USP25: variants seen among roughly 807,000 people sequenced by gnomAD.
The protein encoded by USP25 is ubiquitin carboxyl-terminal hydrolase 25.
Under a neutral mutation model 158.5 loss-of-function variants are expected in USP25, and 85 were observed. The ratio of observed to expected loss-of-function variants is 0.54; its 90% CI spans 0.45 to 0.64. The LOEUF is 0.64. USP25 is among the 30% of genes least tolerant of loss of function. The probability of loss-of-function intolerance (pLI) is 0.00; values close to 1 mark genes in which losing one functional copy is unlikely to be tolerated. For missense variants in USP25, 1,242 were observed against 1,327.3 expected (o/e 0.94, Z 1.00); for synonymous variants, 464 against 460.4 (o/e 1.01, Z -0.10).
chr21:15,877,145 CAG>C, intron 24 of USP25: 1 of 152,296 alleles, frequency 6.6e-6, no homozygotes. Context: ...ATAGTTGCAA[CAG>C]AAACTTCATG....
intron 1 of USP25, among the ~76,000 whole-genome samples, chr21:15,753,122 G>A (rs1202982645): frequency 6.6e-6 from 1 of 152,202 alleles, no homozygotes; most frequent in Non-Finnish European, 1.5e-5. Context: ...ATGGAGAGGG[G>A]AGAGGGTGTG....
Position 15,877,779 on chromosome 21 carries a change from TCCTGC to T in USP25, c.3010-16_3010-12del. ...AAACAAAAACCTATTCTTTTTTTTTTCCTGCATTGCATTAAGAAATTAAATGAGCA... is the reference window on the plus strand; with the variant it reads ...AAACAAAAACCTATTCTTTTTTTTTTATTGCATTAAGAAATTAAATGAGCA... On this transcript the variant is annotated splice_polypyrimidine_tract_variant and intron_variant, in intron 24 of 25. Coordinates refer to ENST00000400183, the MANE Select transcript of USP25 (RefSeq NM_001283041.3). 1 of 1,554,308 alleles carries T rather than the reference TCCTGC, an allele frequency of 6.4e-7. No homozygotes were observed. Among genetic ancestry groups the T allele is most frequent in the Non-Finnish European group, 8.7e-7 (1 of 1,151,108 alleles).
chr21:15,830,680 T>A, intron 15 of USP25, 79 bp downstream of exon 15: 1 of 1,150,968 alleles, frequency 8.7e-7, no homozygotes, highest in Non-Finnish European at 1.2e-6. Context: ...TATCTTAATC[T>A]AATTTTTCTT....
At chr21:15,831,272 G>A (rs1164795738) in intron 15 of USP25, 129 bp from the exon 16 acceptor site, 1 of 782,468 alleles carries the variant, frequency 1.3e-6, no homozygotes, top group Non-Finnish European at 2.0e-6. Context: ...AGCCCAGCCA[G>A]TTCTCTCTCA....
Position 15,816,767 on chromosome 21 carries a change from G to T in USP25, c.932-1931G>T, listed in dbSNP as rs975767562. On this transcript the variant is annotated intron_variant, in intron 9 of 25. Transcript: ENST00000400183. This position sits in a 1 kb window ranked among gnomAD's most constrained non-coding sequence, Gnocchi z 4.0. ...AAATCTCATGGATCATAATGAACCAGTGATTTCCACTGCTACCTCAAAACT... is the reference window on the plus strand; with the variant it reads ...AAATCTCATGGATCATAATGAACCATTGATTTCCACTGCTACCTCAAAACT... Among the ~76,000 whole-genome samples the T allele has an allele frequency of 2.0e-5, 3 of 151,486 alleles. No individual in the cohort carries two copies. The highest frequency in any genetic ancestry group is 2.0e-4 in the Admixed American group (3 of 15,242).
intron 12 of USP25, 80 bp downstream of exon 12, chr21:15,825,141 C>A: frequency 4.6e-6 from 5 of 1,088,240 alleles, no homozygotes; most frequent in South Asian, 1.6e-5. Flanking sequence ...TTCAAATTTG[C>A]TTTGAGTGAT....
intron 4 of USP25, among the ~76,000 whole-genome samples, chr21:15,789,672 T>C (rs897771163): frequency 6.6e-6 from 1 of 152,072 alleles, no homozygotes; most frequent in African/African-American, 2.4e-5. Flanking sequence ...CTATTTGTTT[T>C]ATGGTATCGT....
intron 5 of USP25, among the ~76,000 whole-genome samples, chr21:15,792,564 T>G (rs1223042577): frequency 6.6e-6 from 1 of 151,686 alleles, no homozygotes; most frequent in Admixed American, 6.6e-5. Flanking sequence ...ATATCTTCAT[T>G]TTGTAACTTT....
At chr21:15,851,800 C>T (rs1457984006) in intron 20 of USP25, among the ~76,000 whole-genome samples, 1 of 151,948 alleles carries the variant, frequency 6.6e-6, no homozygotes, top group Non-Finnish European at 1.5e-5. Context: ...AGCTTTATGA[C>T]CTGCCCCAAT....
intron 7 of USP25, among the ~76,000 whole-genome samples, chr21:15,807,989 T>C (rs1287992874): frequency 6.6e-6 from 1 of 152,220 alleles, no homozygotes; most frequent in Non-Finnish European, 1.5e-5. Flanking sequence ...TTGAGGTTAA[T>C]ATAAAGTTGG....
At chr21:15,790,054 G>C (rs1311189843) in intron 4 of USP25, among the ~76,000 whole-genome samples, 1 of 152,032 alleles carries the variant, frequency 6.6e-6, no homozygotes, top group African/African-American at 2.4e-5. Context: ...CAAGTTGACT[G>C]TCTTTCTATC....
chr21:15,787,786 G>C (rs1381512280), intron 4 of USP25, among the ~76,000 whole-genome samples: 1 of 151,348 alleles, frequency 6.6e-6, no homozygotes, highest in African/African-American at 2.4e-5. Context: ...ATGTTTCTCA[G>C]TGAGTGTAAT....
intron 3 of USP25, among the ~76,000 whole-genome samples, chr21:15,770,847 T>C (rs1294556873): frequency 6.6e-6 from 1 of 152,148 alleles, no homozygotes; most frequent in East Asian, 1.9e-4. Context: ...ATTGAAAGAA[T>C]AGGAACATCT....
At chr21:15,752,458 C>A (rs1019276925) in intron 1 of USP25, among the ~76,000 whole-genome samples, 1 of 152,164 alleles carries the variant, frequency 6.6e-6, no homozygotes, top group Non-Finnish European at 1.5e-5. Context: ...TTGTGATCCA[C>A]CCATCTTGGC....
At chr21:15,791,910 C>A (rs2035610036) in intron 5 of USP25, among the ~76,000 whole-genome samples, 1 of 151,710 alleles carries the variant, frequency 6.6e-6, no homozygotes, top group African/African-American at 2.4e-5. Flanking sequence ...TCAATTTATC[C>A]TTTCCTTCTG....
chr21:15,772,927 T>A (rs2034438958), intron 3 of USP25, among the ~76,000 whole-genome samples: 1 of 152,186 alleles, frequency 6.6e-6, no homozygotes, highest in South Asian at 2.1e-4. Context: ...AGGATTGTCA[T>A]ATTGTTCTAA....
At chr21:15,776,350 C>G (rs921713712) in intron 3 of USP25, among the ~76,000 whole-genome samples, 3 of 151,968 alleles carry the variant, frequency 2.0e-5, no homozygotes, top group Non-Finnish European at 2.9e-5. Context: ...AAAAAAAACA[C>G]CACCACTTCC....
At chr21:15,858,115 T>A (rs2039247183) in intron 20 of USP25, among the ~76,000 whole-genome samples, 1 of 152,204 alleles carries the variant, frequency 6.6e-6, no homozygotes, top group Non-Finnish European at 1.5e-5. Context: ...TAATACACTT[T>A]CACATTTTGT....
At chr21:15,830,630 T>C (rs2037752942) in intron 15 of USP25, 29 bp downstream of exon 15, 1 of 1,478,270 alleles carries the variant, frequency 6.8e-7, no homozygotes, top group African/African-American at 1.4e-5. Context: ...TAGTAATCAT[T>C]GTCAAAATTA....
Sources: gnomAD v4.1 joint callset for allele counts (sites outside exome capture counted in the v4.1 genomes callset) on GRCh38, gnomAD v4.1.1 for gene constraint, Gnocchi (gnomAD v3.1) non-coding constraint, MANE v1.5 for transcripts, NCBI Gene and HGNC (gene_info 2026-07-23, HGNC 2026-07-21) for gene names.